NDUFAF6: variants seen among roughly 807,000 people sequenced by gnomAD.
NDUFAF6 encodes NADH:ubiquinone oxidoreductase complex assembly factor 6, also known as NADH dehydrogenase (ubiquinone) complex I, assembly factor 6.
In NDUFAF6, 45 loss-of-function variants were observed where a neutral mutation model predicts 40.8. The ratio of observed to expected loss-of-function variants is 1.10; its 90% CI spans 0.87 to 1.42. NDUFAF6 has a LOEUF of 1.42. Ranked by LOEUF, NDUFAF6 falls within the 40% of genes most tolerant of loss-of-function variation. NDUFAF6 has a pLI of 0.00. For synonymous variants in NDUFAF6, 185 were observed against 155.9 expected (o/e 1.19, Z -1.39); for missense variants, 435 against 418.5 (o/e 1.04, Z -0.34).
intron 1 of NDUFAF6, among the ~76,000 whole-genome samples, chr8:94,943,331 T>G (rs1821720556): frequency 6.6e-6 from 1 of 152,002 alleles, no homozygotes; most frequent in East Asian, 1.9e-4. Flanking sequence ...ACAAAAAAAT[T>G]TTAAAAAATT....
chr8:94,953,103 T>C (rs1282997839), upstream of NDUFAF6, among the ~76,000 whole-genome samples: 1 of 152,172 alleles, frequency 6.6e-6, no homozygotes, highest in Non-Finnish European at 1.5e-5. Flanking sequence ...ATCCCAGCAC[T>C]TTGGGAGGCC....
In NDUFAF6 at chr8:95,045,137, A is replaced by G. The variant is rs567880212; in HGVS notation, c.478-408A>G. Among the ~76,000 whole-genome samples the G allele has an allele frequency of 1.5e-4, 23 of 152,212 alleles. No homozygotes were observed. The South Asian group carries it at 4.8e-3, about 32-fold the overall frequency. ...AATGTGTCCATGCCTCAGTTTCTTCATTTGTAAAATGGGAAAAGTATTAAT... is the reference window on the plus strand; with the variant it reads ...AATGTGTCCATGCCTCAGTTTCTTCGTTTGTAAAATGGGAAAAGTATTAAT... On this transcript the variant is annotated intron_variant, in intron 4 of 8. Coordinates refer to ENST00000396124, the MANE Select transcript of NDUFAF6 (RefSeq NM_152416.4).
intron 1 of NDUFAF6, among the ~76,000 whole-genome samples, chr8:94,941,503 C>A (rs1240945022): frequency 6.6e-6 from 1 of 152,220 alleles, no homozygotes; most frequent in Non-Finnish European, 1.5e-5. Flanking sequence ...CCTCATCCTC[C>A]TCTGGCTCAT....
intron 3 of NDUFAF6, among the ~76,000 whole-genome samples, chr8:95,038,196 C>T (rs945818284): frequency 6.6e-6 from 1 of 152,098 alleles, no homozygotes; most frequent in African/African-American, 2.4e-5. Context: ...TATTTTATCC[C>T]ATTTGTTTAA....
In NDUFAF6 at chr8:95,058,365, A is replaced by C; in HGVS notation, c.*428A>C. On this transcript the variant is annotated 3_prime_UTR_variant, in exon 9 of 9. Transcript: ENST00000396124. ...TAACCTAGGTGTTCAGAACACCTGG[A>C]AGATGCATTTATTTAGGGGTCACAA... 2 of 1,235,510 alleles carry C rather than the reference A, an allele frequency of 1.6e-6. No individual in the cohort carries two copies. The highest frequency in any genetic ancestry group is 2.0e-6 in the Non-Finnish European group (2 of 990,256). The allele number at this position is 1,235,510 out of a possible 1,614,324, so 76.5% of individuals were successfully genotyped here.
At chr8:94,941,694 T>C (rs985196078) in intron 1 of NDUFAF6, among the ~76,000 whole-genome samples, 2 of 152,200 alleles carry the variant, frequency 1.3e-5, no homozygotes, top group Admixed American at 6.5e-5. Context: ...CCTTCCTGTG[T>C]AGCAGCTCAG....
At chr8:95,099,181 AGT>A (rs1563868044), upstream of NDUFAF6, among the ~76,000 whole-genome samples, 1 of 151,850 alleles carries the variant, frequency 6.6e-6, no homozygotes, top group Non-Finnish European at 1.5e-5. Flanking sequence ...TTGAGGCTGC[AGT>A]GAGCTGTGAT....
At position 95,057,979 on chromosome 8, in the gene NDUFAF6, T is replaced by G. The variant is rs1271337558; in HGVS notation, c.*42T>G. 2 of 1,521,614 alleles carry G rather than the reference T, an allele frequency of 1.3e-6. No individual in the cohort carries two copies. Among genetic ancestry groups the G allele is most frequent in the East Asian group, 2.3e-5 (1 of 43,898 alleles). The allele number at this position is 1,521,614 out of a possible 1,614,324, so 94.3% of individuals were successfully genotyped here. On this transcript the variant is annotated 3_prime_UTR_variant, in exon 9 of 9. Transcript: ENST00000396124. Reference sequence around the variant, plus strand: ...TGATGTTAATTCTAGTCTATTAGTTTTATAAAAGTTAGGATTCTTATTTAG... The same window carrying G: ...TGATGTTAATTCTAGTCTATTAGTTGTATAAAAGTTAGGATTCTTATTTAG...
intron 1 of NDUFAF6, among the ~76,000 whole-genome samples, chr8:94,916,881 T>C (rs1307215605): frequency 2.7e-5 from 4 of 146,136 alleles, no homozygotes; most frequent in Non-Finnish European, 6.0e-5. Flanking sequence ...TTGGGAGGCC[T>C]AGGCAGGCGA....
At chr8:94,975,590 A>G (rs975629301) in intron 1 of NDUFAF6, among the ~76,000 whole-genome samples, 2 of 152,192 alleles carry the variant, frequency 1.3e-5, no homozygotes, top group Non-Finnish European at 2.9e-5. Context: ...TTTTAACTAC[A>G]TTCACAGGGT....
chr8:95,028,229 T>C lies in NDUFAF6; in HGVS notation c.197+3024T>C, dbSNP rs146018402. Among the ~76,000 whole-genome samples the C allele has an allele frequency of 2.4e-3, 367 of 152,354 alleles. 2 individuals carry two copies. Among genetic ancestry groups the C allele is most frequent in the African/African-American group, 8.3e-3 (347 of 41,576 alleles). On this transcript the variant is annotated intron_variant, in intron 1 of 8. Coordinates refer to ENST00000396124, the MANE Select transcript of NDUFAF6 (RefSeq NM_152416.4). ...GTCTGGAACAGTGCCTGGCACATAGTAGGCACTGCATAGATGTTAGAATGA... is the reference window on the plus strand; with the variant it reads ...GTCTGGAACAGTGCCTGGCACATAGCAGGCACTGCATAGATGTTAGAATGA...
rs185804504 is a variant in NDUFAF6, at chr8:95,092,467, C to T, written n.214-8665C>T. ...AAAGTGCTGGAATTACAGGTGTGAG[C>T]CACCTCACCTGGCCCCCTATGACAT... On this transcript the variant is annotated intron_variant and non_coding_transcript_variant, in intron 2 of 5. Coordinates refer to the NDUFAF6 transcript ENST00000523184. Among the ~76,000 whole-genome samples the T allele has an allele frequency of 2.0e-3, 307 of 152,204 alleles. 1 individual carries two copies. Among genetic ancestry groups the T allele is most frequent in the Non-Finnish European group, 2.8e-3 (190 of 68,006 alleles).
Position 94,933,835 on chromosome 8 carries a change from G to GGA in NDUFAF6, c.-935-11647_-935-11646insAG, listed in dbSNP as rs796460969. 3.5e-4 allele frequency among the ~76,000 whole-genome samples: 5 copies of GGA among 14,274 alleles called. 1 individual carries two copies. In the East Asian group the frequency reaches 0.024, roughly 67 times the overall value. The allele number at this position is 14,274 out of a possible 152,430, so 9.4% of individuals were successfully genotyped here. ...CATGCCTGTAATCCCAGCACTTTGT[G>GGA]GGGGGGGGGGGAGGATCACGAGGTC... On this transcript the variant is annotated intron_variant, in intron 1 of 14. Coordinates refer to the NDUFAF6 transcript ENST00000396113.
intron 2 of NDUFAF6, among the ~76,000 whole-genome samples, chr8:95,019,042 C>T (rs937143257): frequency 3.9e-5 from 6 of 152,166 alleles, no homozygotes; most frequent in Non-Finnish European, 7.4e-5. Context: ...GACAGAGTCT[C>T]GCTCTAGACC....
intron 1 of NDUFAF6, chr8:94,940,704 G>T (rs908307697): frequency 7.5e-6 from 5 of 670,778 alleles, no homozygotes; most frequent in Non-Finnish European, 1.2e-5. Context: ...ATTTTTTAAA[G>T]ACAAACTCCT....
At chr8:95,051,133 A>G (rs1040098239) in intron 7 of NDUFAF6, among the ~76,000 whole-genome samples, 15 of 152,188 alleles carry the variant, frequency 9.9e-5, no homozygotes, top group African/African-American at 3.6e-4. Context: ...TCATCCACAT[A>G]AAAGGCTTAT....
At chr8:94,964,033 CTTAG>C (rs1327916605) in intron 1 of NDUFAF6, among the ~76,000 whole-genome samples, 9 of 152,172 alleles carry the variant, frequency 5.9e-5, no homozygotes, top group South Asian at 2.1e-4. Flanking sequence ...ATTCTGTGGC[CTTAG>C]TTAGCCTGAA....
At chr8:95,083,032 C>T (rs553056641) in intron 2 of NDUFAF6, among the ~76,000 whole-genome samples, 12 of 152,322 alleles carry the variant, frequency 7.9e-5, no homozygotes, top group Admixed American at 7.2e-4. Flanking sequence ...CCTCCCGTCT[C>T]AGCCTCCCAA....
At chr8:94,924,669 T>C (rs991157028) in intron 1 of NDUFAF6, among the ~76,000 whole-genome samples, 1 of 152,200 alleles carries the variant, frequency 6.6e-6, no homozygotes, top group Admixed American at 6.5e-5. Flanking sequence ...CCCTGGACAC[T>C]CTGTAAGTGG....
Sources: allele counts gnomAD v4.1 joint callset (sites outside exome capture counted in the v4.1 genomes callset), GRCh38; gene constraint gnomAD v4.1.1; transcripts MANE v1.5; gene names NCBI Gene and HGNC (gene_info 2026-07-23, HGNC 2026-07-21).